PPHLN1: variants seen among roughly 807,000 people sequenced by gnomAD.
PPHLN1 encodes the protein periphilin 1, also known as periphilin-1.
Under a neutral mutation model 51.3 loss-of-function variants are expected in PPHLN1, and 29 were observed. The observed-to-expected ratio is 0.57, with a 90% CI of 0.42 to 0.77. The LOEUF is 0.77. Among genes scored for constraint, PPHLN1 ranks in the 30% least tolerant of loss-of-function variants. PPHLN1 has a pLI of 0.00. For missense variants in PPHLN1, 436 were observed against 438.4 expected, an observed-to-expected ratio of 0.99 and a Z score of 0.05; for synonymous variants, 147 against 147.8, an observed-to-expected ratio of 0.99 and a Z score of 0.04.
chr12:42,361,203 C>A (rs1234955970), intron 4 of PPHLN1: 3 of 152,414 alleles, frequency 2.0e-5, no homozygotes, highest in Non-Finnish European at 4.4e-5. Flanking sequence ...GCTTGCTCTC[C>A]ACCATGTGAG....
At chr12:42,354,359 T>C (rs1327238637) in intron 3 of PPHLN1, among the ~76,000 whole-genome samples, 1 of 152,062 alleles carries the variant, frequency 6.6e-6, no homozygotes, top group African/African-American at 2.4e-5. Flanking sequence ...ACTGGGACTA[T>C]AGGTGCACGC....
At chr12:42,351,331 T>G (rs1296445815) in intron 2 of PPHLN1, 1 of 152,192 alleles carries the variant, frequency 6.6e-6, no homozygotes, top group Admixed American at 6.5e-5. Context: ...ACTTTGAAAA[T>G]TAGTTCAAAT....
intron 9 of PPHLN1, among the ~76,000 whole-genome samples, chr12:42,437,673 ATATAT>A (rs2082600571): frequency 6.6e-6 from 1 of 152,170 alleles, no homozygotes; most frequent in Non-Finnish European, 1.5e-5. Flanking sequence ...ACCAATATTG[ATATAT>A]TAATATTAAC....
chr12:42,364,811 C>T (rs1226528557), intron 4 of PPHLN1, among the ~76,000 whole-genome samples: 1 of 152,120 alleles, frequency 6.6e-6, no homozygotes, highest in Non-Finnish European at 1.5e-5. Flanking sequence ...ATCCCAGCTG[C>T]TCGGAAGGCT....
intron 2 of PPHLN1, among the ~76,000 whole-genome samples, chr12:42,347,705 A>G (rs1248120253): frequency 1.3e-5 from 2 of 152,140 alleles, no homozygotes; most frequent in African/African-American, 2.4e-5. Flanking sequence ...ATTTGAACCT[A>G]GGAGGTGTAG....
chr12:42,392,259 G>A (rs139895835), intron 7 of PPHLN1, among the ~76,000 whole-genome samples: 12 of 152,142 alleles, frequency 7.9e-5, no homozygotes, highest in African/African-American at 2.9e-4. Context: ...TCCCAGCTCA[G>A]CATTTATTAA....
At position 42,441,468 on chromosome 12, in the gene PPHLN1, G is replaced by C; in HGVS notation, c.1063G>C (p.Glu355Gln). ...CVEELKHFIA[E>Q]YDTSTQDFGE... ...TGAAGAACTCAAGCATTTCATTGCA[G>C]AGTATGATACTTCCACTCAAGATTT... Residue 355 changes from glutamate to glutamine, a missense_variant, in exon 10 of 10, where the codon GAG (glutamate) becomes CAG (glutamine). Glu to Gln is a conservative substitution (Grantham distance 29). Transcript: ENST00000358314. 1 of 1,612,378 alleles carries C rather than the reference G, an allele frequency of 6.2e-7. No individual in the cohort carries two copies. Among genetic ancestry groups the C allele is most frequent in the Non-Finnish European group, 8.5e-7 (1 of 1,179,454 alleles).
chr12:42,365,604 T>A (rs2075184803), intron 4 of PPHLN1, among the ~76,000 whole-genome samples: 1 of 148,316 alleles, frequency 6.7e-6, no homozygotes, highest in Non-Finnish European at 1.5e-5. Context: ...AATAAGCATC[T>A]AAAGTAATCT....
At chr12:42,374,005 C>T (rs1035901112) in intron 4 of PPHLN1, among the ~76,000 whole-genome samples, 1 of 152,018 alleles carries the variant, frequency 6.6e-6, no homozygotes, top group Non-Finnish European at 1.5e-5. Context: ...CATTCCTGGT[C>T]CCTACCCATC....
chr12:42,355,302 G>T, intron 4 of PPHLN1, 80 bp downstream of exon 4: 1 of 1,184,158 alleles, frequency 8.4e-7, no homozygotes, highest in Admixed American at 1.9e-5. Flanking sequence ...TAGACTCAAG[G>T]CACATAGATG....
downstream of PPHLN1, chr12:42,442,705 A>G: frequency 6.2e-7 from 1 of 1,614,064 alleles, no homozygotes; most frequent in Non-Finnish European, 8.5e-7. Flanking sequence ...ATCACGACGG[A>G]ACCCCCGAAA....
chr12:42,440,879 A>G (rs1022663923), intron 9 of PPHLN1, among the ~76,000 whole-genome samples: 6 of 152,372 alleles, frequency 3.9e-5, no homozygotes, highest in Middle Eastern at 3.4e-3. Context: ...GCACCCGGCC[A>G]CTAAACAGAA....
chr12:42,393,762 A>G, intron 8 of PPHLN1, 73 bp downstream of exon 8: 1 of 1,441,336 alleles, frequency 6.9e-7, no homozygotes, highest in Non-Finnish European at 9.3e-7. Flanking sequence ...GGCGAAAAAT[A>G]TTTGGTTTAT....
chr12:42,397,026 A>C (rs2078293747), intron 8 of PPHLN1, among the ~76,000 whole-genome samples: 1 of 134,076 alleles, frequency 7.5e-6, no homozygotes, highest in African/African-American at 2.8e-5. Context: ...TGGCAGAGCA[A>C]GACCTAGTCT....
At chr12:42,330,483 A>G (rs921178927) in intron 1 of PPHLN1, among the ~76,000 whole-genome samples, 1 of 152,180 alleles carries the variant, frequency 6.6e-6, no homozygotes, top group Non-Finnish European at 1.5e-5. Context: ...AGCTTTCCGC[A>G]GGGCATTGTG....
chr12:42,393,753 G>A (rs2077947382), intron 8 of PPHLN1, 64 bp downstream of exon 8: 1 of 1,470,300 alleles, frequency 6.8e-7, no homozygotes, highest in Non-Finnish European at 9.1e-7. Flanking sequence ...TAAATTATGG[G>A]CGAAAAATAT....
chr12:42,398,648 T>C (rs2078504561), intron 8 of PPHLN1: 1 of 346,896 alleles, frequency 2.9e-6, no homozygotes, highest in African/African-American at 2.2e-5. Flanking sequence ...TGTTCCATAT[T>C]AAAAAAAAAA....
chr12:42,426,226 A>ACACACACACACACC (rs1245875011), intron 9 of PPHLN1, among the ~76,000 whole-genome samples: 2 of 123,110 alleles, frequency 1.6e-5, no homozygotes, highest in East Asian at 2.3e-4. Flanking sequence ...ACACACACAC[A>ACACACACACACACC]CACCCTCATG....
chr12:42,335,788 GA>G (rs1450195509), intron 1 of PPHLN1, 94 bp from the exon 2 acceptor site: 2 of 554,752 alleles, frequency 3.6e-6, no homozygotes, highest in Non-Finnish European at 5.7e-6. Flanking sequence ...AAGATCTCTG[GA>G]AAATATTTGT....
Sources: allele counts gnomAD v4.1 joint callset (sites outside exome capture counted in the v4.1 genomes callset), GRCh38; gene constraint gnomAD v4.1.1; transcripts MANE v1.5; gene names NCBI Gene and HGNC (gene_info 2026-07-23, HGNC 2026-07-21).